ASTN1: variants seen among roughly 807,000 people sequenced by gnomAD.
ASTN1 encodes the protein astrotactin-1.
A neutral mutation model predicts 140.7 loss-of-function variants in ASTN1; 41 were observed. The observed-to-expected ratio is 0.29, with a 90% CI of 0.23 to 0.38. The LOEUF (loss-of-function observed/expected upper bound fraction) is 0.38. ASTN1 is among the 10% of genes least tolerant of loss of function. The pLI is 1.00. For missense variants in ASTN1, 1,479 were observed against 1,678.8 expected, an observed-to-expected ratio of 0.88 and a Z score of 2.08; for synonymous variants, 640 against 652.2, an observed-to-expected ratio of 0.98 and a Z score of 0.29.
At chr1:177,019,817 C>A (rs1197175308) in intron 7 of ASTN1, among the ~76,000 whole-genome samples, 1 of 152,160 alleles carries the variant, frequency 6.6e-6, no homozygotes, top group Non-Finnish European at 1.5e-5. Flanking sequence ...CTATAAATTG[C>A]ACAAGGAGGA....
At chr1:176,875,702 T>G (rs761204962) in intron 21 of ASTN1, among the ~76,000 whole-genome samples, 1 of 152,200 alleles carries the variant, frequency 6.6e-6, no homozygotes, top group Non-Finnish European at 1.5e-5. Flanking sequence ...GGACACAATA[T>G]TTCTCTTACT....
intron 1 of ASTN1, among the ~76,000 whole-genome samples, chr1:177,091,628 C>T (rs1367688395): frequency 1.3e-5 from 2 of 152,126 alleles, no homozygotes; most frequent in Non-Finnish European, 2.9e-5. Flanking sequence ...CAAAGTTGTG[C>T]AACTATCACT....
intron 9 of ASTN1, among the ~76,000 whole-genome samples, chr1:176,963,345 T>C (rs928681030): frequency 7.2e-5 from 11 of 152,210 alleles, no homozygotes; most frequent in Non-Finnish European, 1.0e-4. Flanking sequence ...AGAGTGGTCG[T>C]TGGTAGGTGG....
At chr1:177,069,280 T>C (rs1678514631) in intron 1 of ASTN1, among the ~76,000 whole-genome samples, 1 of 152,126 alleles carries the variant, frequency 6.6e-6, no homozygotes, top group Non-Finnish European at 1.5e-5. Context: ...TGGATAAGAG[T>C]AGCCTGATCT....
intron 1 of ASTN1, among the ~76,000 whole-genome samples, chr1:177,155,491 C>T (rs956206208): frequency 2.0e-5 from 3 of 152,150 alleles, no homozygotes; most frequent in Admixed American, 2.0e-4. Context: ...GCCTAAGCAA[C>T]TTTAGAGTAA....
At chr1:177,042,174 G>A (rs1558052878) in intron 2 of ASTN1, among the ~76,000 whole-genome samples, 1 of 152,236 alleles carries the variant, frequency 6.6e-6, no homozygotes, top group Non-Finnish European at 1.5e-5. Context: ...ATGCCTGAGA[G>A]TCGGGGTGGA....
In ASTN1 at chr1:176,863,550, G is replaced by A. The variant is rs899528208; in HGVS notation, c.*734C>T. On this transcript the variant is annotated 3_prime_UTR_variant, in exon 23 of 23. Coordinates refer to ENST00000361833, the MANE Select transcript of ASTN1 (RefSeq NM_004319.3). ...AGGTGCAGTTGACAGATGGCATCTT[G>A]TTCCCTCTCAAAGATCATGTTGTTC... The A allele has an allele frequency of 2.5e-5, 25 of 985,320 alleles. No homozygotes were observed. The African/African-American group carries it at 4.2e-4, about 17-fold the overall frequency. 61.0% of individuals were successfully genotyped at this position (985,320 alleles called of 1,614,324 possible).
At chr1:177,103,546 CT>C (rs1680400921) in intron 1 of ASTN1, among the ~76,000 whole-genome samples, 1 of 152,098 alleles carries the variant, frequency 6.6e-6, no homozygotes, top group East Asian at 1.9e-4. Flanking sequence ...AGAGGATACA[CT>C]GAGCTACAGA....
intron 7 of ASTN1, among the ~76,000 whole-genome samples, chr1:177,018,300 G>A (rs568310196): frequency 2.0e-5 from 3 of 152,284 alleles, no homozygotes; most frequent in Admixed American, 6.5e-5. Flanking sequence ...GAACAAAATC[G>A]GGACTGAGCT....
chr1:177,149,946 T>C (rs2102244225), intron 1 of ASTN1, among the ~76,000 whole-genome samples: 1 of 150,638 alleles, frequency 6.6e-6, no homozygotes, highest in Admixed American at 6.6e-5. Flanking sequence ...CCTGGTTCTG[T>C]AAAGACAGGA....
At chr1:177,036,472 C>A (rs1003421296) in intron 2 of ASTN1, among the ~76,000 whole-genome samples, 1 of 152,156 alleles carries the variant, frequency 6.6e-6, no homozygotes, top group Non-Finnish European at 1.5e-5. Flanking sequence ...GCTTCTGTAA[C>A]TCAAATTGGT....
chr1:177,065,237 C>T (rs1160332311), intron 1 of ASTN1, among the ~76,000 whole-genome samples: 1 of 152,270 alleles, frequency 6.6e-6, no homozygotes, highest in Non-Finnish European at 1.5e-5. Context: ...GGGACTGAGA[C>T]ATCAAGAAAG....
At chr1:177,045,131 C>T (rs1034129890) in intron 2 of ASTN1, among the ~76,000 whole-genome samples, 5 of 152,130 alleles carry the variant, frequency 3.3e-5, no homozygotes, top group East Asian at 3.9e-4. Context: ...TTCCTGAAAC[C>T]GACTTTGATT....
At position 177,147,041 on chromosome 1, in the gene ASTN1, A is replaced by T. The variant is rs12075667; in HGVS notation, c.283+17353T>A. Reference sequence around the variant, plus strand: ...TTCTTAAATGAAACTGGATTTTTTTAAAAAAAAACAGTGAGAGTGGTGAAA... The same window carrying T: ...TTCTTAAATGAAACTGGATTTTTTTTAAAAAAAACAGTGAGAGTGGTGAAA... On this transcript the variant is annotated intron_variant, in intron 1 of 22. Coordinates refer to ENST00000361833, the MANE Select transcript of ASTN1 (RefSeq NM_004319.3). Among the ~76,000 whole-genome samples the T allele has an allele frequency of 2.2e-3, 322 of 148,076 alleles. 1 individual carries two copies. Among genetic ancestry groups the T allele is most frequent in the East Asian group, 0.014 (74 of 5,156 alleles).
intron 2 of ASTN1, among the ~76,000 whole-genome samples, chr1:177,048,329 G>C (rs954669856): frequency 2.0e-5 from 3 of 152,168 alleles, no homozygotes; most frequent in African/African-American, 7.2e-5. Flanking sequence ...TGGCCCAAAA[G>C]GGGAGTCTGG....
At chr1:176,893,194 A>G (rs1163306787) in intron 17 of ASTN1, among the ~76,000 whole-genome samples, 1 of 152,178 alleles carries the variant, frequency 6.6e-6, no homozygotes, top group Non-Finnish European at 1.5e-5. Flanking sequence ...ATGGTTTTGC[A>G]TGAACTCTCT....
intron 8 of ASTN1, among the ~76,000 whole-genome samples, chr1:176,984,945 A>T (rs940167342): frequency 6.6e-6 from 1 of 152,154 alleles, no homozygotes; most frequent in African/African-American, 2.4e-5. Context: ...GATCAGACCA[A>T]CATGCCATAG....
intron 4 of ASTN1, 89 bp downstream of exon 4, chr1:177,030,717 C>T (rs1676387619): frequency 6.5e-7 from 1 of 1,537,782 alleles, no homozygotes; most frequent in Non-Finnish European, 8.9e-7. Context: ...TCCAGCCACG[C>T]ATGAGAGAAT....
chr1:176,906,583 G>C (rs900513249), intron 16 of ASTN1, among the ~76,000 whole-genome samples: 2 of 152,106 alleles, frequency 1.3e-5, no homozygotes, highest in African/African-American at 2.4e-5. Context: ...GATGGGCCTC[G>C]TGGTTCATGC....
Sources: gnomAD v4.1 joint callset for allele counts (sites outside exome capture counted in the v4.1 genomes callset) on GRCh38, gnomAD v4.1.1 for gene constraint, MANE v1.5 for transcripts, NCBI Gene and HGNC (gene_info 2026-07-23, HGNC 2026-07-21) for gene names.